PREX2: variants seen among roughly 807,000 people sequenced by gnomAD.
PREX2 encodes phosphatidylinositol-3,4,5-trisphosphate dependent Rac exchange factor 2, also known as phosphatidylinositol 3,4,5-trisphosphate-dependent Rac exchanger 2 protein.
PREX2 carries 107 observed loss-of-function variants against 203.2 expected under a neutral mutation model. The ratio of observed to expected loss-of-function variants is 0.53; its 90% CI spans 0.45 to 0.62. The LOEUF is 0.62. PREX2 is among the 20% of genes least tolerant of loss of function. PREX2 has a pLI of 0.00. For synonymous variants in PREX2, 672 were observed against 663.6 expected (o/e 1.01, Z -0.19); for missense variants, 1,777 against 1,955.9 (o/e 0.91, Z 1.72).
rs148520675 is a variant in PREX2, at chr8:68,228,014, A to G, written c.4776-3319A>G. Among the ~76,000 whole-genome samples, 78 of 152,304 alleles carry G rather than the reference A, an allele frequency of 5.1e-4. 1 individual carries two copies. In the East Asian group the frequency reaches 8.7e-3, roughly 17 times the overall value. The stretch of plus-strand genomic sequence containing the variant: ...CATGCACACAAAGAGCTTGCAGCCT[A>G]GTAGAATACAAAGACAAAATAAATT... On this transcript the variant is annotated intron_variant, in intron 39 of 39. Transcript: ENST00000288368.
At position 68,117,874 on chromosome 8, in the gene PREX2, C is replaced by T. The variant is rs575679047; in HGVS notation, c.3327-676C>T. On this transcript the variant is annotated intron_variant, in intron 26 of 39. Coordinates refer to ENST00000288368, the MANE Select transcript of PREX2 (RefSeq NM_024870.4). ...TATGATTTAAGCCACCAGAAAGGGA[C>T]AGAAATCACAGAACAGTATTTTGTC... 5.9e-5 allele frequency among the ~76,000 whole-genome samples: 9 copies of T among 152,258 alleles called. No individual in the cohort carries two copies. In the East Asian group the frequency reaches 1.5e-3, roughly 26 times the overall value.
intron 35 of PREX2, among the ~76,000 whole-genome samples, chr8:68,164,509 A>C (rs769992273): frequency 1.1e-4 from 16 of 151,730 alleles, no homozygotes; most frequent in Non-Finnish European, 2.4e-4. Context: ...CATTTTAATA[A>C]ATCTTTTATT....
At chr8:68,058,526 C>T (rs1031886292) in intron 10 of PREX2, among the ~76,000 whole-genome samples, 6 of 152,042 alleles carry the variant, frequency 3.9e-5, no homozygotes, top group African/African-American at 1.2e-4. Flanking sequence ...CTCTGCCTCC[C>T]GGGTTCAAGT....
At chr8:68,107,670 G>A (rs567923197) in intron 23 of PREX2, among the ~76,000 whole-genome samples, 1 of 152,152 alleles carries the variant, frequency 6.6e-6, no homozygotes, top group Admixed American at 6.5e-5. Flanking sequence ...CTTGTGTTTG[G>A]GACATCCCAT....
chr8:68,131,498 A>AGTGTTAAACAT (rs1291261219), intron 31 of PREX2, among the ~76,000 whole-genome samples: 2 of 152,202 alleles, frequency 1.3e-5, no homozygotes, highest in Non-Finnish European at 2.9e-5. Context: ...GTATTCATTC[A>AGTGTTAAACAT]GTGTTAAACA....
chr8:68,153,295 T>G (rs1053146152), intron 34 of PREX2, among the ~76,000 whole-genome samples: 2 of 152,228 alleles, frequency 1.3e-5, no homozygotes, highest in African/African-American at 2.4e-5. Flanking sequence ...TCTTCAGAGA[T>G]TCTATGTTTT....
intron 1 of PREX2, among the ~76,000 whole-genome samples, chr8:67,990,361 G>A (rs1806560154): frequency 6.6e-6 from 1 of 151,452 alleles, no homozygotes; most frequent in South Asian, 2.1e-4. Flanking sequence ...TGGCTCTCAA[G>A]CCTGTCTGTG....
chr8:68,050,597 C>G (rs1232532121), intron 8 of PREX2, among the ~76,000 whole-genome samples: 6 of 152,170 alleles, frequency 3.9e-5, no homozygotes, highest in African/African-American at 1.4e-4. Flanking sequence ...AACACAGACC[C>G]AAACCATATT....
chr8:68,218,169 A>T (rs1251012511), intron 38 of PREX2, among the ~76,000 whole-genome samples: 1 of 152,088 alleles, frequency 6.6e-6, no homozygotes, highest in African/African-American at 2.4e-5. Flanking sequence ...CAGTGTGTAC[A>T]TTTTTCTGAG....
At chr8:67,965,472 A>T (rs1198823342) in intron 1 of PREX2, among the ~76,000 whole-genome samples, 2 of 151,270 alleles carry the variant, frequency 1.3e-5, no homozygotes, top group Non-Finnish European at 2.9e-5. Flanking sequence ...TATAATTAAC[A>T]TATGTAATTA....
At chr8:68,227,439 G>A (rs890591108) in intron 39 of PREX2, among the ~76,000 whole-genome samples, 1 of 152,116 alleles carries the variant, frequency 6.6e-6, no homozygotes, top group Non-Finnish European at 1.5e-5. Flanking sequence ...AGCTCAGCTT[G>A]GTAGTACTGA....
At chr8:68,037,684 T>C (rs1808072885) in intron 6 of PREX2, among the ~76,000 whole-genome samples, 1 of 152,192 alleles carries the variant, frequency 6.6e-6, no homozygotes, top group South Asian at 2.1e-4. Context: ...ATTTTTCTCT[T>C]TTTATTTCTT....
chr8:68,012,071 C>T (rs1228838352), intron 1 of PREX2, among the ~76,000 whole-genome samples: 2 of 152,098 alleles, frequency 1.3e-5, no homozygotes, highest in African/African-American at 2.4e-5. Context: ...TCCTGTCACC[C>T]AAGTATTAAA....
chr8:67,962,807 C>A (rs1563472313), intron 1 of PREX2, among the ~76,000 whole-genome samples: 1 of 151,798 alleles, frequency 6.6e-6, no homozygotes, highest in African/African-American at 2.4e-5. Context: ...GGGGTTTCAC[C>A]ACGTTGGCCA....
chr8:68,060,615 G>A (rs1808820189), intron 10 of PREX2, 64 bp from the exon 11 acceptor site: 1 of 1,009,654 alleles, frequency 9.9e-7, no homozygotes, highest in Non-Finnish European at 1.5e-6. Flanking sequence ...TGACTGGATG[G>A]TATAGAAAGA....
chr8:68,060,252 A>C (rs1808808035), intron 10 of PREX2, among the ~76,000 whole-genome samples: 1 of 152,190 alleles, frequency 6.6e-6, no homozygotes, highest in South Asian at 2.1e-4. Context: ...TGGGAACCAC[A>C]TTAAAGACAG....
intron 37 of PREX2, among the ~76,000 whole-genome samples, chr8:68,209,828 T>C (rs931405411): frequency 6.6e-6 from 1 of 152,236 alleles, no homozygotes; most frequent in Non-Finnish European, 1.5e-5. Context: ...ACACGCTTTC[T>C]ACAGCTGATC....
intron 1 of PREX2, among the ~76,000 whole-genome samples, chr8:67,975,527 C>A (rs12675634): frequency 6.6e-6 from 1 of 151,482 alleles, no homozygotes; most frequent in Non-Finnish European, 1.5e-5. Flanking sequence ...GTAGTAATAT[C>A]TTAATACATT....
intron 26 of PREX2, 102 bp from the exon 27 acceptor site, chr8:68,118,448 A>G (rs1810703563): frequency 2.8e-6 from 2 of 704,560 alleles, no homozygotes; most frequent in Non-Finnish European, 4.9e-6. Context: ...TTTCTCTAAA[A>G]CATACTAATA....
Sources: gnomAD v4.1 joint callset for allele counts (sites outside exome capture counted in the v4.1 genomes callset) on GRCh38, gnomAD v4.1.1 for gene constraint, MANE v1.5 for transcripts, NCBI Gene and HGNC (gene_info 2026-07-23, HGNC 2026-07-21) for gene names.